Variants in ALKBH5 observed in about 807,000 individuals in gnomAD.
ALKBH5 encodes RNA demethylase ALKBH5.
Under a neutral mutation model 32.1 loss-of-function variants are expected in ALKBH5, and 2 were observed. The observed-to-expected ratio is 0.06, with a 90% CI of 0.03 to 0.20. The LOEUF is 0.20. Among genes scored for constraint, ALKBH5 ranks in the 10% least tolerant of loss-of-function variants. ALKBH5 has a pLI of 1.00. For synonymous variants in ALKBH5, 300 were observed against 231.7 expected (o/e 1.29, Z -2.68); for missense variants, 352 against 559.5 (o/e 0.63, Z 3.74).
intron 1 of ALKBH5, among the ~76,000 whole-genome samples, chr17:18,187,091 T>C (rs2047143933): frequency 6.6e-6 from 1 of 151,926 alleles, no homozygotes; most frequent in Admixed American, 6.6e-5. Flanking sequence ...CTTCGTGTAG[T>C]TCAAGCCCCA....
chr17:18,207,254 G>A (rs1010733910), intron 3 of ALKBH5, among the ~76,000 whole-genome samples: 1 of 152,184 alleles, frequency 6.6e-6, no homozygotes, highest in African/African-American at 2.4e-5. Flanking sequence ...CACCCTTGTG[G>A]AATTATACTT....
chr17:18,185,196 G>C (rs2047130787), intron 1 of ALKBH5, among the ~76,000 whole-genome samples, 183 bp downstream of exon 1: 1 of 152,160 alleles, frequency 6.6e-6, no homozygotes, highest in African/African-American at 2.4e-5. Flanking sequence ...AGAAAATAGG[G>C]AACCGATGTG....
At chr17:18,205,755 G>C (rs1352590448) in intron 2 of ALKBH5, among the ~76,000 whole-genome samples, 1 of 152,184 alleles carries the variant, frequency 6.6e-6, no homozygotes, top group Non-Finnish European at 1.5e-5. Context: ...AAGCAGCCTA[G>C]CCCAAGGCAG....
chr17:18,186,294 G>C (rs765787819), intron 1 of ALKBH5, among the ~76,000 whole-genome samples: 3 of 152,196 alleles, frequency 2.0e-5, no homozygotes, highest in Non-Finnish European at 4.4e-5. Flanking sequence ...GAGCTTCTCA[G>C]ATCTTCATGG....
At chr17:18,185,117 T>C in intron 1 of ALKBH5, 104 bp downstream of exon 1, 1 of 1,497,996 alleles carries the variant, frequency 6.7e-7, no homozygotes, top group Non-Finnish European at 8.9e-7. Context: ...TTTACAGTTC[T>C]GACCAGTTCT....
At chr17:18,207,237 A>T (rs998817436) in intron 3 of ALKBH5, among the ~76,000 whole-genome samples, 3 of 152,226 alleles carry the variant, frequency 2.0e-5, no homozygotes, top group African/African-American at 7.2e-5. Context: ...GTTCAGTCTC[A>T]CCCAGACACC....
At chr17:18,190,904 T>C (rs1400206960) in intron 1 of ALKBH5, among the ~76,000 whole-genome samples, 1 of 152,162 alleles carries the variant, frequency 6.6e-6, no homozygotes, top group African/African-American at 2.4e-5. Context: ...CTCTGAGGTA[T>C]AGGACTAGTG....
At position 18,191,949 on chromosome 17, in the gene ALKBH5, T is replaced by TAAAAAAAAAA. The variant is rs553466001; in HGVS notation, c.771-3001_771-2992dup. 2.0e-3 allele frequency among the ~76,000 whole-genome samples: 287 copies of TAAAAAAAAAA among 140,712 alleles called. 3 individuals are homozygous for TAAAAAAAAAA. Among genetic ancestry groups the TAAAAAAAAAA allele is most frequent in the South Asian group, 0.015 (64 of 4,362 alleles). The allele number at this position is 140,712 out of a possible 152,430, so 92.3% of individuals were successfully genotyped here. On this transcript the variant is annotated intron_variant, in intron 1 of 3. Transcript: ENST00000399138. Reference sequence around the variant, plus strand: ...GGGCAACAGAGTGAGACTCTGTCTTTAAAAAAAAAAAAAAGTGCCTTTGAG... The same window carrying TAAAAAAAAAA: ...GGGCAACAGAGTGAGACTCTGTCTTTAAAAAAAAAAAAAAAAAAAAAAAAGTGCCTTTGAG...
At position 18,184,264 on chromosome 17, in the gene ALKBH5, C is replaced by T. The variant is rs764549752; in HGVS notation, c.21C>T (p.Tyr7=). 63 of 1,522,170 alleles carry T rather than the reference C, an allele frequency of 4.1e-5. No individual in the cohort carries two copies. The highest frequency in any genetic ancestry group is 5.0e-5 in the Non-Finnish European group (57 of 1,139,018). The allele number at this position is 1,522,170 out of a possible 1,614,324, so 94.3% of individuals were successfully genotyped here. A position where few individuals can be genotyped will look rare whatever the true frequency, so the allele number is the denominator to read the frequency against. The change falls in exon 1 of 4, where the codon TAC becomes TAT. Residue 7 remains tyrosine, a synonymous_variant. Coordinates refer to ENST00000399138, the MANE Select transcript of ALKBH5 (RefSeq NM_017758.4). ...GGGCCATGGCGGCCGCCAGCGGCTA[C>T]ACGGACCTGCGTGAGAAGCTCAAGT... MAAASG[Y]TDLREKLKSM... is the part of the protein sequence containing the mutation.
intron 2 of ALKBH5, among the ~76,000 whole-genome samples, chr17:18,199,920 C>T (rs952953844): frequency 6.6e-6 from 1 of 151,872 alleles, no homozygotes; most frequent in African/African-American, 2.4e-5. Context: ...GCCTGACTAA[C>T]GTGATGAAAA....
At chr17:18,207,377 G>A (rs1311758126) in intron 3 of ALKBH5, among the ~76,000 whole-genome samples, 22 of 150,048 alleles carry the variant, frequency 1.5e-4, no homozygotes, top group Admixed American at 1.2e-3. Context: ...GAAAAAAAAT[G>A]TTTTGGCCGG....
chr17:18,206,985 A>T lies in ALKBH5; in HGVS notation c.1007+15A>T. On this transcript the variant is annotated intron_variant, in intron 3 of 3. Coordinates refer to ENST00000399138, the MANE Select transcript of ALKBH5 (RefSeq NM_017758.4). The stretch of plus-strand genomic sequence containing the variant: ...GCTGCCCACAGGTACTCAGTTTAGG[A>T]CCCTCAGCAAAGGCTGGCAAAGGCC... 1 of 1,610,768 alleles carries T rather than the reference A, an allele frequency of 6.2e-7. No individual in the cohort carries two copies. The highest frequency in any genetic ancestry group is 8.5e-7 in the Non-Finnish European group (1 of 1,177,578).
chr17:18,204,613 T>G (rs1223612639), intron 2 of ALKBH5, among the ~76,000 whole-genome samples: 5 of 151,930 alleles, frequency 3.3e-5, no homozygotes, highest in African/African-American at 1.2e-4. Flanking sequence ...AATATAAAAA[T>G]TAGCCGAGTG....
chr17:18,191,583 G>A (rs543062313), intron 1 of ALKBH5, among the ~76,000 whole-genome samples: 1 of 152,266 alleles, frequency 6.6e-6, no homozygotes, highest in African/African-American at 2.4e-5. Context: ...AGGGCCCTTG[G>A]TTATGCATAT....
intron 2 of ALKBH5, 21 bp from the exon 3 acceptor site, chr17:18,206,794 C>T (rs201704895): frequency 5.6e-5 from 90 of 1,612,576 alleles, no homozygotes; most frequent in Admixed American, 3.3e-5. Flanking sequence ...TTTGGTGACC[C>T]CATGCATGTT....
intron 1 of ALKBH5, among the ~76,000 whole-genome samples, chr17:18,190,024 G>C (rs1234365517): frequency 3.9e-5 from 6 of 152,190 alleles, no homozygotes. Flanking sequence ...GCCCCCAAAA[G>C]CCTGACCTTC....
rs897793810 is a variant in ALKBH5, at chr17:18,209,302, T to C, written c.*906T>C. On this transcript the variant is annotated 3_prime_UTR_variant, in exon 4 of 4. Transcript: ENST00000399138. Reference sequence around the variant, plus strand: ...TGTGTGGTAGGGTTTTTGTTTTCTTTTTTGAGTTTTTTTTCCCCCTTTAGT... The same window carrying C: ...TGTGTGGTAGGGTTTTTGTTTTCTTCTTTGAGTTTTTTTTCCCCCTTTAGT... 6.5e-6 allele frequency: 1 copy of C among 152,692 alleles called. No homozygotes were observed. Among genetic ancestry groups the C allele is most frequent in the African/African-American group, 2.4e-5 (1 of 41,454 alleles). The allele number at this position is 152,692 out of a possible 1,614,324, so 9.5% of individuals were successfully genotyped here. A position where few individuals can be genotyped will look rare whatever the true frequency, so the allele number is the denominator to read the frequency against.
chr17:18,189,613 T>A (rs916615561), intron 1 of ALKBH5, among the ~76,000 whole-genome samples: 3 of 152,146 alleles, frequency 2.0e-5, no homozygotes, highest in African/African-American at 7.2e-5. Flanking sequence ...CACAACAAAA[T>A]CCAGAAAGTT....
intron 2 of ALKBH5, among the ~76,000 whole-genome samples, chr17:18,199,802 C>CA (rs918784485): frequency 1.5e-4 from 22 of 151,588 alleles, no homozygotes; most frequent in Non-Finnish European, 2.2e-4. Context: ...GGGAGCCCTG[C>CA]AAAAAAAACC....
Sources: gnomAD v4.1 joint callset for allele counts (sites outside exome capture counted in the v4.1 genomes callset) on GRCh38, gnomAD v4.1.1 for gene constraint, MANE v1.5 for transcripts, NCBI Gene and HGNC (gene_info 2026-07-23, HGNC 2026-07-21) for gene names.